The following COL6A3 variants were observed in gnomAD, a reference collection of about 807,000 sequenced individuals.
COL6A3 encodes collagen alpha-3(VI) chain.
In COL6A3, 137 loss-of-function variants were observed where a neutral mutation model predicts 274.1. The ratio of observed to expected loss-of-function variants is 0.50; its 90% CI spans 0.44 to 0.58. The LOEUF (loss-of-function observed/expected upper bound fraction) is 0.58. COL6A3 is among the 20% of genes least tolerant of loss of function. COL6A3 has a pLI of 0.00. For missense variants in COL6A3, 3,950 were observed against 4,124.9 expected (o/e 0.96, Z 1.16); for synonymous variants, 1,650 against 1,650.6 (o/e 1.00, Z 0.01).
In COL6A3 at chr2:237,367,108, C is replaced by G; in HGVS notation, c.5079G>C (p.Leu1693=). 1 of 1,614,186 alleles carries G rather than the reference C, an allele frequency of 6.2e-7. No homozygotes were observed. The highest frequency in any genetic ancestry group is 8.5e-7 in the Non-Finnish European group (1 of 1,180,030). ...TCTGCCTCTTGGTAGAGAAGTCCTT[C>G]AGGAAGAATTCGTCAGTGGGGTCAG... is the stretch of plus-strand genomic sequence containing the variant. ...YNSDPTDEFF[L]KDFSTKRQII... Residue 1693 remains leucine, a synonymous_variant, in exon 11 of 44, where the codon CTG becomes CTC. Coordinates refer to ENST00000295550, the MANE Select transcript of COL6A3 (RefSeq NM_004369.4).
At chr2:237,398,300 C>T (rs2078502748) in intron 1 of COL6A3, among the ~76,000 whole-genome samples, 1 of 152,224 alleles carries the variant, frequency 6.6e-6, no homozygotes, top group African/African-American at 2.4e-5. Flanking sequence ...ACCCACGCGC[C>T]TCTGGGGGCC....
Position 237,379,103 on chromosome 2 carries a change from C to G in COL6A3, c.2030G>C (p.Arg677Pro), listed in dbSNP as rs35227432. 3 of 1,614,184 alleles carry G rather than the reference C, an allele frequency of 1.9e-6. No homozygotes were observed. Among genetic ancestry groups the G allele is most frequent in the South Asian group, 1.1e-5 (1 of 91,080 alleles). Residue 677 changes from arginine (R) to proline (P), a missense_variant, in exon 6 of 44, where the codon CGT (arginine) becomes CCT (proline). Arg to Pro is a moderately radical substitution (Grantham distance 103). Transcript: ENST00000295550. ...NSLDIGNDNI[R>P]VGLVQFSDTP... is the part of the protein sequence containing the mutation. ...GTCACTAAATTGCACTAAACCAACA[C>G]GAATATTGTCATTTCCAATATCAAG...
intron 3 of COL6A3, among the ~76,000 whole-genome samples, chr2:237,393,063 A>G (rs1559277286): frequency 6.6e-6 from 1 of 152,056 alleles, no homozygotes; most frequent in African/African-American, 2.4e-5. Context: ...TTAGCTCCCC[A>G]TGCAGCTAGG....
Position 237,381,052 on chromosome 2 carries a change from G to C in COL6A3, c.1760C>G (p.Ala587Gly). 1 of 1,614,188 alleles carries C rather than the reference G, an allele frequency of 6.2e-7. No homozygotes were observed. Among genetic ancestry groups the C allele is most frequent in the South Asian group, 1.1e-5 (1 of 91,082 alleles). ...IMAFAIGNKG[A>G]DQAELEEIAF... Reference sequence around the variant, plus strand: ...GATCTCTTCCAGCTCAGCCTGATCGGCACCCTTGTTCCCAATGGCAAAGGC... The same window carrying C: ...GATCTCTTCCAGCTCAGCCTGATCGCCACCCTTGTTCCCAATGGCAAAGGC... Residue 587 changes from alanine (A) to glycine (G), a missense_variant, in exon 5 of 44, where the codon GCC becomes GGC. Coordinates refer to ENST00000295550, the MANE Select transcript of COL6A3 (RefSeq NM_004369.4).
At position 237,364,668 on chromosome 2, in the gene COL6A3, C is replaced by A. The variant is rs895292119; in HGVS notation, c.5839-240G>T. Among the ~76,000 whole-genome samples the A allele has an allele frequency of 6.6e-6, 1 of 151,996 alleles. No individual in the cohort carries two copies. Among genetic ancestry groups the A allele is most frequent in the Non-Finnish European group, 1.5e-5 (1 of 68,000 alleles). On this transcript the variant is annotated intron_variant, in intron 12 of 43. Transcript: ENST00000295550. This position sits in a 1 kb window ranked among gnomAD's most constrained non-coding sequence, Gnocchi z 4.6. The stretch of plus-strand genomic sequence containing the variant: ...AGACAAGCAGCAATGACAATAAAAA[C>A]AATTTTTATCTCATTCTCATATTTC...
rs1268277315 is a variant in COL6A3 at position 237,368,914 on chromosome 2, C to T, written c.4549G>A (p.Gly1517Ser). 12 of 1,614,200 alleles carry T rather than the reference C, an allele frequency of 7.4e-6. No homozygotes were observed. The highest frequency in any genetic ancestry group is 2.2e-5 in the East Asian group (1 of 44,880). ...RLRGGSPLNT[G>S]KALEFVARNL... ...CTTGCCACAAATTCGAGAGCCTTGC[C>T]AGTGTTCAGTGGGGACCCCCCTCTG... The change falls in exon 10 of 44, where the codon GGC (glycine) becomes AGC (serine). Residue 1517 changes from glycine (G) to serine (S), a missense_variant. Gly to Ser is a moderately conservative substitution (Grantham distance 56). This residue lies in a region of COL6A3 where 1,934 missense variants were observed against 1,984.3 expected (regional missense o/e 0.97). Transcript: ENST00000295550. This position sits in a 1 kb window ranked among gnomAD's most constrained non-coding sequence, Gnocchi z 4.4.
chr2:237,342,398 T>G (rs2077005874), intron 36 of COL6A3: 2 of 548,720 alleles, frequency 3.6e-6, no homozygotes, highest in Non-Finnish European at 6.5e-6. Flanking sequence ...TGGGTTTCAG[T>G]TTTTTTCAGC....
chr2:237,413,720 A>G lies in COL6A3; in HGVS notation c.-31+233T>C, dbSNP rs561909489. 6.6e-6 allele frequency among the ~76,000 whole-genome samples: 1 copy of G among 152,298 alleles called. No homozygotes were observed. The highest frequency in any genetic ancestry group is 2.1e-4 in the South Asian group (1 of 4,818). ...TAGCAGCCACAGACACGCGGTGGAA[A>G]AGTGCTCACACTCTTAGGCAATCAT... is the stretch of plus-strand genomic sequence containing the variant. On this transcript the variant is annotated intron_variant, in intron 1 of 43. Transcript: ENST00000295550. The surrounding 1 kb of genome is among the most constrained non-coding windows in gnomAD (Gnocchi z 4.0).
chr2:237,362,595 A>C (rs1380469798), intron 14 of COL6A3, among the ~76,000 whole-genome samples: 1 of 152,212 alleles, frequency 6.6e-6, no homozygotes, highest in African/African-American at 2.4e-5. Context: ...AACCCTGCAA[A>C]GAAGTATGGA....
chr2:237,348,577 G>A, intron 29 of COL6A3, 36 bp downstream of exon 29: 1 of 1,600,230 alleles, frequency 6.2e-7, no homozygotes, highest in Non-Finnish European at 8.6e-7. Context: ...CCTCCTGGCA[G>A]CAAGGACGCT....
chr2:237,350,798 G>A (rs987166684), intron 27 of COL6A3, among the ~76,000 whole-genome samples: 40 of 152,268 alleles, frequency 2.6e-4, no homozygotes, highest in South Asian at 1.2e-3. Context: ...AGCACTGCCC[G>A]GCTGCTCTGA....
intron 3 of COL6A3, among the ~76,000 whole-genome samples, chr2:237,393,288 G>T (rs2078339942): frequency 6.6e-6 from 1 of 152,172 alleles, no homozygotes; most frequent in Non-Finnish European, 1.5e-5. Flanking sequence ...GCAACTGGAT[G>T]CCACTTCAAA....
rs74648902 is a variant in COL6A3, at chr2:237,366,616, G to A, written c.5500+71C>T. The A allele has an allele frequency of 1.3e-3, 2,055 of 1,611,066 alleles. 14 individuals carry two copies. In the African/African-American group the frequency reaches 0.021, roughly 17 times the overall value. On this transcript the variant is annotated intron_variant, in intron 11 of 43. Coordinates refer to ENST00000295550, the MANE Select transcript of COL6A3 (RefSeq NM_004369.4). ...CTAAGGACTCCAGAGGTCAGCACCA[G>A]GGACCAGACAGCTAAAGAGGCACAA... is the stretch of plus-strand genomic sequence containing the variant.
In COL6A3 at chr2:237,336,294, C is replaced by T; in HGVS notation, c.8806G>A (p.Val2936Met). The change falls in exon 40 of 44, where the codon GTG (valine) becomes ATG (methionine). Residue 2936 changes from valine to methionine, a missense_variant. Val to Met is a conservative substitution (Grantham distance 21). This residue lies in a region of COL6A3 where 1,284 missense variants were observed against 1,349.7 expected (regional missense o/e 0.95). Coordinates refer to ENST00000295550, the MANE Select transcript of COL6A3 (RefSeq NM_004369.4). ...GGCTTCGCTGCCGTTGCTGGCTTCA[C>T]CGCCACTGGGGGTCTAACAGTGGCC... ...KMATVRPPVA[V>M]KPATAAKPVA... 6.2e-7 allele frequency: 1 copy of T among 1,613,170 alleles called. No homozygotes were observed.
Position 237,345,217 on chromosome 2 carries a change from TA to T in COL6A3, c.7093-5del. ...CGCCCCTGTTGCCCTTGGGACCCTG[TA>T]AAACCAAGGAACGAAAGGTGAGAGG... On this transcript the variant is annotated splice_polypyrimidine_tract_variant and splice_region_variant and intron_variant, in intron 32 of 43. Transcript: ENST00000295550. 6.2e-7 allele frequency: 1 copy of T among 1,613,984 alleles called. No homozygotes were observed. Among genetic ancestry groups the T allele is most frequent in the Non-Finnish European group, 8.5e-7 (1 of 1,179,918 alleles).
Position 237,374,264 on chromosome 2 carries a change from G to T in COL6A3, c.3679+148C>A. ...TTTCTGCCCATCGAGGCCAAAAAGGGCATGTGGGTTCCTAAATTTTCCTGT... is the reference window on the plus strand; with the variant it reads ...TTTCTGCCCATCGAGGCCAAAAAGGTCATGTGGGTTCCTAAATTTTCCTGT... On this transcript the variant is annotated intron_variant, in intron 8 of 43. Transcript: ENST00000295550. This position sits in a 1 kb window ranked among gnomAD's most constrained non-coding sequence, Gnocchi z 4.8. 1 of 1,079,040 alleles carries T rather than the reference G, an allele frequency of 9.3e-7. No homozygotes were observed. Among genetic ancestry groups the T allele is most frequent in the Non-Finnish European group, 1.4e-6 (1 of 721,434 alleles). 66.8% of individuals were successfully genotyped at this position (1,079,040 alleles called of 1,614,324 possible). A position where few individuals can be genotyped will look rare whatever the true frequency, so the allele number is the denominator to read the frequency against.
In COL6A3 at chr2:237,413,117, C is replaced by T. The variant is rs1304543046; in HGVS notation, c.-31+836G>A. 1.3e-5 allele frequency among the ~76,000 whole-genome samples: 2 copies of T among 152,186 alleles called. No individual in the cohort carries two copies. Among genetic ancestry groups the T allele is most frequent in the South Asian group, 2.1e-4 (1 of 4,832 alleles). ...TGTCCATCCTCAGCAAGAGAGGGCCCGAGCCCCACCCTGCATCCTCCGGGC... is the reference window on the plus strand; with the variant it reads ...TGTCCATCCTCAGCAAGAGAGGGCCTGAGCCCCACCCTGCATCCTCCGGGC... On this transcript the variant is annotated intron_variant, in intron 1 of 43. Transcript: ENST00000295550. The surrounding 1 kb of genome is among the most constrained non-coding windows in gnomAD (Gnocchi z 4.0).
intron 28 of COL6A3, among the ~76,000 whole-genome samples, chr2:237,349,918 A>AG (rs1491105107): frequency 6.6e-6 from 1 of 152,204 alleles, no homozygotes; most frequent in Non-Finnish European, 1.5e-5. Flanking sequence ...GGAAAAACAC[A>AG]GGGGAAAAAA....
intron 24 of COL6A3, 106 bp from the exon 25 acceptor site, chr2:237,353,509 G>C: frequency 1.0e-6 from 1 of 961,996 alleles, no homozygotes; most frequent in Non-Finnish European, 1.6e-6. Flanking sequence ...AGCAACCAGG[G>C]AAAACTCAGC....
Sources: allele counts gnomAD v4.1 joint callset (sites outside exome capture counted in the v4.1 genomes callset), GRCh38; gene constraint gnomAD v4.1.1; regional missense constraint gnomAD v4.1.1; non-coding constraint Gnocchi (gnomAD v3.1); transcripts MANE v1.5; gene names NCBI Gene and HGNC (gene_info 2026-07-23, HGNC 2026-07-21).